Variants in IMMP2L observed in about 807,000 individuals in gnomAD.
IMMP2L encodes the protein mitochondrial inner membrane protease subunit 2.
IMMP2L carries 18 observed loss-of-function variants against 19.3 expected under a neutral mutation model. The ratio of observed to expected loss-of-function variants is 0.93; its 90% CI spans 0.64 to 1.38. IMMP2L has a LOEUF of 1.38. IMMP2L is among the 40% of genes most tolerant of loss of function. The pLI, the probability that IMMP2L is intolerant of heterozygous loss-of-function variation, is 0.00. For synonymous variants in IMMP2L, 76 were observed against 73.0 expected (o/e 1.04, Z -0.21); for missense variants, 233 against 218.2 (o/e 1.07, Z -0.43).
chr7:111,321,239 A>T (rs1824675552), intron 3 of IMMP2L, among the ~76,000 whole-genome samples: 1 of 152,000 alleles, frequency 6.6e-6, no homozygotes, highest in African/African-American at 2.4e-5. Flanking sequence ...GCATCTGTCC[A>T]TACAGTGAGA....
intron 3 of IMMP2L, among the ~76,000 whole-genome samples, chr7:111,169,663 A>T (rs1006809759): frequency 6.6e-6 from 1 of 151,870 alleles, no homozygotes; most frequent in African/African-American, 2.4e-5. Flanking sequence ...CTGCTTTATA[A>T]GAACACAGTC....
intron 2 of IMMP2L, among the ~76,000 whole-genome samples, chr7:111,491,249 G>T (rs1189771257): frequency 6.6e-6 from 1 of 151,978 alleles, no homozygotes; most frequent in Non-Finnish European, 1.5e-5. Flanking sequence ...TAATCTCACT[G>T]TTTATGTTAA....
intron 5 of IMMP2L, among the ~76,000 whole-genome samples, chr7:110,747,743 G>T (rs567169626): frequency 1.3e-5 from 2 of 152,088 alleles, no homozygotes; most frequent in Non-Finnish European, 2.9e-5. Flanking sequence ...TTGATGGAAC[G>T]TATTTCAAAA....
intron 2 of IMMP2L, among the ~76,000 whole-genome samples, chr7:111,490,851 T>C (rs1309095447): frequency 6.6e-6 from 1 of 152,192 alleles, no homozygotes; most frequent in Non-Finnish European, 1.5e-5. Context: ...GTGCTTACCA[T>C]GTGCAAGACA....
rs1811990779 is a variant in IMMP2L at position 110,902,530 on chromosome 7, C to T, written c.306-15835G>A. ...ATCAAGGGTTCATGTTGGAAAAACCCTGAGTTCTTTGGTTTGTCTGAAATG... is the reference window on the plus strand; with the variant it reads ...ATCAAGGGTTCATGTTGGAAAAACCTTGAGTTCTTTGGTTTGTCTGAAATG... On this transcript the variant is annotated intron_variant, in intron 4 of 5. Coordinates refer to ENST00000405709, the MANE Select transcript of IMMP2L (RefSeq NM_032549.4). Among the ~76,000 whole-genome samples the T allele has an allele frequency of 4.0e-5, 6 of 148,294 alleles. No individual in the cohort carries two copies. The Middle Eastern group carries it at 0.018, about 438-fold the overall frequency.
chr7:110,815,654 G>A (rs1050317814), intron 5 of IMMP2L, among the ~76,000 whole-genome samples: 4 of 152,046 alleles, frequency 2.6e-5, no homozygotes, highest in African/African-American at 9.7e-5. Context: ...GCCTGTTACT[G>A]GTCTATTCAG....
rs1484932397 is a variant in IMMP2L, at chr7:111,253,761, A to C, written c.239+233477T>G. On this transcript the variant is annotated intron_variant, in intron 3 of 5. Transcript: ENST00000405709. ...AAGACTGCCACATAGAACTTGATCT[A>C]AAGTCAGAGAATTATTTAGGCCAAA... is the stretch of plus-strand genomic sequence containing the variant. 3.9e-5 allele frequency among the ~76,000 whole-genome samples: 6 copies of C among 152,258 alleles called. No individual in the cohort carries two copies. The East Asian group carries it at 1.2e-3, about 29-fold the overall frequency.
chr7:110,766,114 T>C (rs1241578593), intron 5 of IMMP2L, among the ~76,000 whole-genome samples: 2 of 152,194 alleles, frequency 1.3e-5, no homozygotes, highest in African/African-American at 4.8e-5. Flanking sequence ...GTGACTGTAT[T>C]GGTTATTGAG....
chr7:111,070,709 TTTGGACAATATGTAAGGCACC>T (rs2129575320), intron 3 of IMMP2L, among the ~76,000 whole-genome samples: 1 of 152,302 alleles, frequency 6.6e-6, no homozygotes, highest in African/African-American at 2.4e-5. Flanking sequence ...AGTGGCCATA[TTTGGACAATATGTAAGGCACC>T]TTGGACAGCA....
At position 110,881,076 on chromosome 7, in the gene IMMP2L, T is replaced by G. The variant is rs139727869; in HGVS notation, c.408+5517A>C. On this transcript the variant is annotated intron_variant, in intron 5 of 5. Coordinates refer to ENST00000405709, the MANE Select transcript of IMMP2L (RefSeq NM_032549.4). Reference sequence around the variant, plus strand: ...TCTTTTTAAAATCATATATATTTTTTTCATGTCTTAATTACAGCAACAAAT... The same window carrying G: ...TCTTTTTAAAATCATATATATTTTTGTCATGTCTTAATTACAGCAACAAAT... Among the ~76,000 whole-genome samples, 548 of 152,244 alleles carry G rather than the reference T, an allele frequency of 3.6e-3. 2 individuals carry two copies. The highest frequency in any genetic ancestry group is 5.1e-3 in the Non-Finnish European group (345 of 67,998).
At chr7:111,394,483 T>G (rs188156511) in intron 3 of IMMP2L, among the ~76,000 whole-genome samples, 1 of 152,286 alleles carries the variant, frequency 6.6e-6, no homozygotes, top group East Asian at 1.9e-4. Context: ...CATTTTTGTT[T>G]GTTTGTTTTC....
At chr7:111,288,278 A>C (rs368061876) in intron 3 of IMMP2L, among the ~76,000 whole-genome samples, 5 of 152,166 alleles carry the variant, frequency 3.3e-5, no homozygotes, top group Admixed American at 2.6e-4. Context: ...TTTGTTAATA[A>C]AATTAACTCA....
chr7:111,303,706 A>G (rs1822516449), intron 3 of IMMP2L, among the ~76,000 whole-genome samples: 1 of 152,126 alleles, frequency 6.6e-6, no homozygotes, highest in South Asian at 2.1e-4. Flanking sequence ...TAAGCTTCCC[A>G]AAGATATGGG....
At chr7:111,284,559 T>C (rs1820283641) in intron 3 of IMMP2L, among the ~76,000 whole-genome samples, 1 of 152,170 alleles carries the variant, frequency 6.6e-6, no homozygotes, top group Non-Finnish European at 1.5e-5. Flanking sequence ...AAAACCGTAG[T>C]GCTGACAATG....
chr7:110,942,881 G>A (rs1274164672), intron 4 of IMMP2L, among the ~76,000 whole-genome samples: 2 of 151,830 alleles, frequency 1.3e-5, no homozygotes, highest in Non-Finnish European at 2.9e-5. Context: ...TGACAAATAA[G>A]GCAATGCCAG....
At chr7:111,094,425 A>T (rs2129578381) in intron 3 of IMMP2L, among the ~76,000 whole-genome samples, 1 of 152,254 alleles carries the variant, frequency 6.6e-6, no homozygotes, top group South Asian at 2.1e-4. Context: ...GATTTAAAAT[A>T]ATGTGGCTCC....
chr7:111,105,918 C>T (rs1306393018), intron 3 of IMMP2L, among the ~76,000 whole-genome samples: 1 of 151,892 alleles, frequency 6.6e-6, no homozygotes, highest in Non-Finnish European at 1.5e-5. Context: ...ATCAAATCTA[C>T]GCATGACACT....
intron 3 of IMMP2L, among the ~76,000 whole-genome samples, chr7:111,031,407 T>TGTGTGTGTGTGTAA (rs147571783): frequency 0.049 from 7,183 of 147,050 alleles, 381 homozygotes; most frequent in African/African-American, 0.11. Context: ...TGTGTGTGTG[T>TGTGTGTGTGTGTAA]GAGAGAAAGA....
At position 111,559,216 on chromosome 7, in the gene IMMP2L, T is replaced by TCCA. The variant is rs556820220; in HGVS notation, c.-3+2634_-3+2635insTGG. On this transcript the variant is annotated intron_variant, in intron 1 of 5. Transcript: ENST00000405709. The stretch of plus-strand genomic sequence containing the variant: ...CAGATGTCTGGTGTGAAATCAGATG[T>TCCA]CTGTGAACTTGTCTTTCTCAGTTTC... Among the ~76,000 whole-genome samples, 484 of 152,298 alleles carry TCCA rather than the reference T, an allele frequency of 3.2e-3. 2 individuals carry two copies. Among genetic ancestry groups the TCCA allele is most frequent in the African/African-American group, 0.011 (461 of 41,580 alleles).
Sources: allele counts gnomAD v4.1 joint callset (sites outside exome capture counted in the v4.1 genomes callset), GRCh38; gene constraint gnomAD v4.1.1; transcripts MANE v1.5; gene names NCBI Gene and HGNC (gene_info 2026-07-23, HGNC 2026-07-21).